The following CNTNAP5 variants were observed in gnomAD, a reference collection of about 807,000 sequenced individuals.
CNTNAP5 encodes the protein contactin associated protein family member 5.
In CNTNAP5, 72 loss-of-function variants were observed where a neutral mutation model predicts 150.2. The observed-to-expected ratio is 0.48, with a 90% CI of 0.40 to 0.58. The LOEUF is 0.58. CNTNAP5 is among the 20% of genes least tolerant of loss of function. The probability of loss-of-function intolerance (pLI) is 0.00; values close to 1 mark genes in which losing one functional copy is unlikely to be tolerated. For missense variants in CNTNAP5, 1,636 were observed against 1,626.2 expected (o/e 1.01, Z -0.10); for synonymous variants, 672 against 619.8 (o/e 1.08, Z -1.25).
At chr2:124,788,789 T>A (rs1266806834) in intron 17 of CNTNAP5, among the ~76,000 whole-genome samples, 1 of 151,918 alleles carries the variant, frequency 6.6e-6, no homozygotes, top group Non-Finnish European at 1.5e-5. Flanking sequence ...CCTACCACCA[T>A]ACCTGACTAA....
At chr2:124,541,727 G>T (rs1426208847) in intron 10 of CNTNAP5, among the ~76,000 whole-genome samples, 1 of 152,120 alleles carries the variant, frequency 6.6e-6, no homozygotes, top group Non-Finnish European at 1.5e-5. Flanking sequence ...AGGCATCTGA[G>T]AAGTAGAGGA....
intron 3 of CNTNAP5, among the ~76,000 whole-genome samples, chr2:124,363,083 G>T (rs1690262718): frequency 6.6e-6 from 1 of 152,172 alleles, no homozygotes; most frequent in Non-Finnish European, 1.5e-5. Context: ...TGTGACAGTT[G>T]TGGTGAGTGA....
intron 3 of CNTNAP5, among the ~76,000 whole-genome samples, chr2:124,265,060 C>G (rs896216454): frequency 6.6e-6 from 1 of 152,184 alleles, no homozygotes; most frequent in Non-Finnish European, 1.5e-5. Flanking sequence ...TGTGGGGAGA[C>G]TTCTCACTTA....
intron 21 of CNTNAP5, among the ~76,000 whole-genome samples, chr2:124,876,534 G>A (rs1230600116): frequency 1.3e-5 from 2 of 151,828 alleles, no homozygotes; most frequent in Admixed American, 6.6e-5. Context: ...GATTGTGCCG[G>A]TGTGCATCAA....
chr2:124,565,142 A>G (rs1695987425), intron 11 of CNTNAP5, among the ~76,000 whole-genome samples: 1 of 152,206 alleles, frequency 6.6e-6, no homozygotes, highest in Non-Finnish European at 1.5e-5. Flanking sequence ...AGCAGGATTC[A>G]CTGATGATGT....
chr2:124,783,866 A>G (rs961382063), intron 17 of CNTNAP5, among the ~76,000 whole-genome samples: 4 of 152,200 alleles, frequency 2.6e-5, no homozygotes, highest in African/African-American at 9.6e-5. Flanking sequence ...CTATCTGGCA[A>G]AACTCAACCA....
intron 12 of CNTNAP5, among the ~76,000 whole-genome samples, chr2:124,614,541 G>T (rs1326340705): frequency 6.6e-6 from 1 of 152,142 alleles, no homozygotes; most frequent in Non-Finnish European, 1.5e-5. Flanking sequence ...GCAGTTCCCA[G>T]GACTGAGGGT....
At chr2:124,127,553 A>G (rs535291601) in intron 1 of CNTNAP5, among the ~76,000 whole-genome samples, 1 of 152,296 alleles carries the variant, frequency 6.6e-6, no homozygotes, top group African/African-American at 2.4e-5. Flanking sequence ...GAATTGGAAA[A>G]AACTACTTTA....
At chr2:124,380,574 G>T (rs879651559) in intron 3 of CNTNAP5, among the ~76,000 whole-genome samples, 2 of 152,126 alleles carry the variant, frequency 1.3e-5, no homozygotes. Context: ...CACATATCAT[G>T]TACTTTAGCA....
At chr2:124,861,537 G>A (rs1174087903) in intron 19 of CNTNAP5, among the ~76,000 whole-genome samples, 5 of 152,012 alleles carry the variant, frequency 3.3e-5, no homozygotes, top group South Asian at 2.1e-4. Flanking sequence ...GCAGTGAGCC[G>A]AGATCACGCC....
chr2:124,043,290 G>T (rs1051776690), intron 1 of CNTNAP5, among the ~76,000 whole-genome samples: 21 of 152,128 alleles, frequency 1.4e-4, no homozygotes, highest in African/African-American at 4.8e-4. Flanking sequence ...AAGTGAAGAG[G>T]TGGGACCTCA....
intron 6 of CNTNAP5, among the ~76,000 whole-genome samples, chr2:124,455,529 T>C (rs151059658): frequency 1.3e-5 from 2 of 151,770 alleles, no homozygotes; most frequent in African/African-American, 4.8e-5. Flanking sequence ...GAAAGAGACA[T>C]GATAGAGAAA....
chr2:124,782,010 G>A lies in CNTNAP5; in HGVS notation c.2753-7892G>A, dbSNP rs556479342. On this transcript the variant is annotated intron_variant, in intron 17 of 23. Transcript: ENST00000682447. ...GCTCCAAAAGCAGTAATGGAGGGCA[G>A]TGGAGCAGTTATATATGTATATATG... Among the ~76,000 whole-genome samples the A allele has an allele frequency of 2.3e-4, 35 of 152,298 alleles. No homozygotes were observed. The South Asian group carries it at 6.2e-3, about 27-fold the overall frequency.
At chr2:124,077,889 G>T (rs914850736) in intron 1 of CNTNAP5, among the ~76,000 whole-genome samples, 14 of 152,116 alleles carry the variant, frequency 9.2e-5, no homozygotes, top group African/African-American at 3.4e-4. Context: ...GGGCTCCTTT[G>T]TTGTAAGGTC....
intron 3 of CNTNAP5, among the ~76,000 whole-genome samples, chr2:124,301,027 T>G (rs987149110): frequency 6.6e-6 from 1 of 152,214 alleles, no homozygotes; most frequent in Non-Finnish European, 1.5e-5. Flanking sequence ...TTAAACAAAA[T>G]GAGCTCCCTG....
intron 18 of CNTNAP5, among the ~76,000 whole-genome samples, chr2:124,792,052 C>T (rs1291944191): frequency 6.6e-6 from 1 of 152,112 alleles, no homozygotes; most frequent in Non-Finnish European, 1.5e-5. Context: ...CAAGATGGTT[C>T]TGAACAGAGG....
intron 11 of CNTNAP5, among the ~76,000 whole-genome samples, chr2:124,567,835 TGATAGATAGATAGATAGATAGATA>T (rs10685444): frequency 1.6e-4 from 21 of 132,810 alleles, no homozygotes; most frequent in Admixed American, 8.5e-4. Flanking sequence ...AGGGCATAGA[TGATAGATAGATAGATAGATAGATA>T]GATAGATAGA....
At chr2:124,111,750 C>T (rs1455413662) in intron 1 of CNTNAP5, among the ~76,000 whole-genome samples, 1 of 152,190 alleles carries the variant, frequency 6.6e-6, no homozygotes, top group East Asian at 1.9e-4. Context: ...CTTTCCGGTC[C>T]TTCTTCACGT....
intron 3 of CNTNAP5, among the ~76,000 whole-genome samples, chr2:124,256,990 G>A (rs1280597534): frequency 6.6e-6 from 1 of 151,998 alleles, no homozygotes; most frequent in Admixed American, 6.6e-5. Context: ...AAACAGAGGG[G>A]ACACCTAAGA....
Sources: gnomAD v4.1 joint callset for allele counts (sites outside exome capture counted in the v4.1 genomes callset) on GRCh38, gnomAD v4.1.1 for gene constraint, MANE v1.5 for transcripts, NCBI Gene and HGNC (gene_info 2026-07-23, HGNC 2026-07-21) for gene names.